The following SCRG1 variants were observed in gnomAD, a reference collection of about 807,000 sequenced individuals.
The protein encoded by SCRG1 is stimulator of chondrogenesis 1.
SCRG1 carries 3 observed loss-of-function variants against 7.7 expected under a neutral mutation model. That is an observed-to-expected ratio of 0.39 (90% CI 0.18 to 1.01). The LOEUF (loss-of-function observed/expected upper bound fraction) is 1.01, where lower values mean the gene tolerates loss of function less well. Ranked by LOEUF, SCRG1 falls within the 50% of genes least tolerant of loss-of-function variation. The pLI, the probability that SCRG1 is intolerant of heterozygous loss-of-function variation, is 0.36. For missense variants in SCRG1, 110 were observed against 117.2 expected (o/e 0.94, Z 0.28); for synonymous variants, 46 against 41.2 (o/e 1.12, Z -0.44).
chr4:173,514,505 G>T, the SCRG1 span, among the ~76,000 whole-genome samples: 2 of 152,126 alleles, frequency 1.3e-5, no homozygotes, highest in Non-Finnish European at 2.9e-5. Flanking sequence ...CTTTACCTAG[G>T]TGTAAAAGTT....
chr4:173,393,377 C>T (rs1450884993), intron 1 of SCRG1, among the ~76,000 whole-genome samples: 3 of 152,072 alleles, frequency 2.0e-5, no homozygotes, highest in African/African-American at 4.8e-5. Context: ...TACCTCCAAA[C>T]ATTAGTGAAA....
At chr4:173,493,496 T>C in the SCRG1 span, among the ~76,000 whole-genome samples, 6 of 151,930 alleles carry the variant, frequency 3.9e-5, no homozygotes, top group Non-Finnish European at 5.9e-5. Context: ...CGCGTGCTTG[T>C]AGTCCCAGCT....
At chr4:173,475,155 G>T in the SCRG1 span, among the ~76,000 whole-genome samples, 1 of 152,114 alleles carries the variant, frequency 6.6e-6, no homozygotes, top group South Asian at 2.1e-4. Context: ...AGAAAAAAAA[G>T]AGCCTCTACT....
At chr4:173,467,572 GA>G in the SCRG1 span, among the ~76,000 whole-genome samples, 1 of 152,034 alleles carries the variant, frequency 6.6e-6, no homozygotes, top group Non-Finnish European at 1.5e-5. Context: ...CAACAACTTA[GA>G]AAAAAATGAT....
upstream of SCRG1, chr4:173,399,493 T>G (rs1739700039): frequency 2.1e-5 from 1 of 47,834 alleles, no homozygotes; most frequent in South Asian, 1.0e-3. Flanking sequence ...TGTGTGTGTT[T>G]GTGTGTCTGT....
At chr4:173,409,171 G>C (rs1373371305), upstream of SCRG1, among the ~76,000 whole-genome samples, 1 of 152,056 alleles carries the variant, frequency 6.6e-6, no homozygotes, top group African/African-American at 2.4e-5. Flanking sequence ...AGGTTTTAGG[G>C]CTTTAGTTTA....
chr4:173,480,137 G>T, the SCRG1 span, among the ~76,000 whole-genome samples: 1 of 152,216 alleles, frequency 6.6e-6, no homozygotes, highest in South Asian at 2.1e-4. Context: ...ATGCCTGGCT[G>T]CTGCCATGCA....
the SCRG1 span, among the ~76,000 whole-genome samples, chr4:173,421,417 G>GA: frequency 3.9e-5 from 1 of 25,680 alleles, no homozygotes; most frequent in South Asian, 1.1e-3. Context: ...TTAGTTTGTT[G>GA]GGGGGGGGTT....
chr4:173,476,363 A>AAATATATATATATATATATATATATATAT, the SCRG1 span, among the ~76,000 whole-genome samples: 18 of 98,492 alleles, frequency 1.8e-4, no homozygotes, highest in African/African-American at 5.3e-4. Flanking sequence ...GGAAAAAAAA[A>AAATATATATATATATATATATATATATAT]ATATATATAT....
chr4:173,401,233 C>T (rs1739754223), upstream of SCRG1, among the ~76,000 whole-genome samples: 1 of 152,206 alleles, frequency 6.6e-6, no homozygotes, highest in African/African-American at 2.4e-5. Flanking sequence ...GCGCAATGGA[C>T]TGCACATTTC....
chr4:173,415,374 C>T, the SCRG1 span, among the ~76,000 whole-genome samples: 1 of 152,152 alleles, frequency 6.6e-6, no homozygotes, highest in Non-Finnish European at 1.5e-5. Flanking sequence ...TTATTTCTTG[C>T]GGACCAGTGA....
the SCRG1 span, among the ~76,000 whole-genome samples, chr4:173,475,852 A>G: frequency 6.6e-6 from 1 of 152,168 alleles, no homozygotes; most frequent in Admixed American, 6.6e-5. Context: ...AAAGACAAAT[A>G]TGTAACTCCA....
the SCRG1 span, among the ~76,000 whole-genome samples, chr4:173,490,151 C>T: frequency 6.6e-6 from 1 of 152,158 alleles, no homozygotes; most frequent in African/African-American, 2.4e-5. Context: ...AACAAAATTT[C>T]ACTAATAATG....
the SCRG1 span, among the ~76,000 whole-genome samples, chr4:173,507,197 CTGTTTGTTTGTT>C: frequency 9.9e-5 from 15 of 151,392 alleles, no homozygotes; most frequent in Admixed American, 2.6e-4. This position sits in a 1 kb window ranked among gnomAD's most constrained non-coding sequence, Gnocchi z 4.4. Context: ...CCCTGTTTTT[CTGTTTGTTTGTT>C]TGTTTGTTTG....
chr4:173,400,549 T>A (rs1023403048), upstream of SCRG1, among the ~76,000 whole-genome samples: 6 of 152,192 alleles, frequency 3.9e-5, no homozygotes, highest in Admixed American at 3.3e-4. Context: ...ACCAATCAAC[T>A]CAATATCAAA....
chr4:173,390,250 A>G (rs1021662399), intron 2 of SCRG1, among the ~76,000 whole-genome samples: 1 of 151,996 alleles, frequency 6.6e-6, no homozygotes, highest in African/African-American at 2.4e-5. Flanking sequence ...TTCACCACGT[A>G]TACTTGTATT....
At chr4:173,435,520 G>GTTAC in the SCRG1 span, among the ~76,000 whole-genome samples, 1 of 152,204 alleles carries the variant, frequency 6.6e-6, no homozygotes, top group Admixed American at 6.5e-5. Context: ...TTCCCAGGCT[G>GTTAC]TTACCTGTGT....
chr4:173,484,310 TTA>T, the SCRG1 span, among the ~76,000 whole-genome samples: 1 of 69,658 alleles, frequency 1.4e-5, no homozygotes, highest in South Asian at 4.4e-4. Flanking sequence ...ATTTTATATA[TTA>T]TATATTTTAT....
the SCRG1 span, among the ~76,000 whole-genome samples, chr4:173,426,984 C>A: frequency 6.6e-6 from 1 of 152,202 alleles, no homozygotes. Flanking sequence ...AAATTATATG[C>A]ATGTTTTAGC....
Sources: gnomAD v4.1 joint callset for allele counts (sites outside exome capture counted in the v4.1 genomes callset) on GRCh38, gnomAD v4.1.1 for gene constraint, Gnocchi (gnomAD v3.1) non-coding constraint, MANE v1.5 for transcripts, NCBI Gene and HGNC (gene_info 2026-07-23, HGNC 2026-07-21) for gene names.